The following SLMAP variants were observed in gnomAD, a reference collection of about 807,000 sequenced individuals.
SLMAP encodes sarcolemmal membrane-associated protein.
A neutral mutation model predicts 128.8 loss-of-function variants in SLMAP; 44 were observed. The observed-to-expected ratio is 0.34, with a 90% CI of 0.27 to 0.44. The LOEUF is 0.44. Among genes scored for constraint, SLMAP ranks in the 20% least tolerant of loss-of-function variants. The probability of loss-of-function intolerance (pLI) is 1.00; values close to 1 mark genes in which losing one functional copy is unlikely to be tolerated. For synonymous variants in SLMAP, 327 were observed against 348.8 expected (o/e 0.94, Z 0.70); for missense variants, 787 against 985.3 (o/e 0.80, Z 2.69).
chr3:57,772,645 A>ATT (rs534768684), intron 2 of SLMAP, among the ~76,000 whole-genome samples: 39 of 145,396 alleles, frequency 2.7e-4, no homozygotes, highest in African/African-American at 9.5e-4. Context: ...CTTTTTTTTA[A>ATT]TTTTTTTTTT....
intron 14 of SLMAP, among the ~76,000 whole-genome samples, chr3:57,879,957 A>T (rs73088391): frequency 0.024 from 3,544 of 150,400 alleles, 82 homozygotes; most frequent in South Asian, 0.052. Context: ...CTCAAAAAAA[A>T]AAAAATAAAA....
At chr3:57,912,358 A>G (rs754890254) in intron 19 of SLMAP, 23 bp from the exon 20 acceptor site, 3 of 1,594,054 alleles carry the variant, frequency 1.9e-6, no homozygotes, top group Non-Finnish European at 2.6e-6. Flanking sequence ...TGGGCCAAGA[A>G]AATGATGGAT....
chr3:57,813,793 G>C (rs2091422633), intron 2 of SLMAP, among the ~76,000 whole-genome samples: 1 of 152,158 alleles, frequency 6.6e-6, no homozygotes, highest in Admixed American at 6.5e-5. Flanking sequence ...ACTGAGACAT[G>C]ATGTATATGA....
Position 57,802,164 on chromosome 3 carries a change from A to G in SLMAP, c.199-29219A>G, listed in dbSNP as rs1024351628. ...CATTCTATACAGTTACGCAACGATC[A>G]CTGTAATTCAGCTGTAAAACAATTG... On this transcript the variant is annotated intron_variant, in intron 2 of 24. Transcript: ENST00000671191. Among the ~76,000 whole-genome samples, 12 of 152,272 alleles carry G rather than the reference A, an allele frequency of 7.9e-5. No homozygotes were observed. In the East Asian group the frequency reaches 2.1e-3, roughly 27 times the overall value.
intron 2 of SLMAP, among the ~76,000 whole-genome samples, chr3:57,819,490 C>T (rs957007384): frequency 3.3e-5 from 5 of 152,078 alleles, no homozygotes; most frequent in Admixed American, 6.5e-5. Context: ...TTTTCCCCCC[C>T]ACAAATAAGA....
intron 3 of SLMAP, among the ~76,000 whole-genome samples, chr3:57,834,649 T>TA (rs1269235936): frequency 2.0e-5 from 3 of 152,036 alleles, no homozygotes; most frequent in South Asian, 4.1e-4. Context: ...CCTCTGTTTT[T>TA]AAAAAACAGA....
chr3:57,817,996 T>C (rs1048678331), intron 2 of SLMAP, among the ~76,000 whole-genome samples: 1 of 152,222 alleles, frequency 6.6e-6, no homozygotes, highest in African/African-American at 2.4e-5. Flanking sequence ...TCCTTGCTGT[T>C]TTATAGGCGG....
chr3:57,769,444 T>C (rs1246495140), intron 2 of SLMAP, among the ~76,000 whole-genome samples: 4 of 152,036 alleles, frequency 2.6e-5, no homozygotes, highest in Admixed American at 6.6e-5. Context: ...CCGCCCGCCT[T>C]GGCCTCCCAA....
At chr3:57,851,936 A>G (rs1030554767) in intron 6 of SLMAP, among the ~76,000 whole-genome samples, 1 of 151,780 alleles carries the variant, frequency 6.6e-6, no homozygotes, top group African/African-American at 2.4e-5. Flanking sequence ...TTTGAGGTGG[A>G]GTCTTGCTCT....
chr3:57,898,494 C>T (rs1256497992), intron 17 of SLMAP: 2 of 152,002 alleles, frequency 1.3e-5, no homozygotes, highest in African/African-American at 4.8e-5. Flanking sequence ...TTATAGGGTA[C>T]ATGAGCTGTT....
chr3:57,776,718 G>A (rs1456368152), intron 2 of SLMAP, among the ~76,000 whole-genome samples: 2 of 151,650 alleles, frequency 1.3e-5, no homozygotes, highest in Admixed American at 1.3e-4. Flanking sequence ...TAGAGACAGG[G>A]TTTCACCATG....
At position 57,858,094 on chromosome 3, in the gene SLMAP, A is replaced by T; in HGVS notation, c.622A>T (p.Ile208Leu). 1 of 1,575,556 alleles carries T rather than the reference A, an allele frequency of 6.3e-7. No homozygotes were observed. The highest frequency in any genetic ancestry group is 8.7e-7 in the Non-Finnish European group (1 of 1,145,334). ...EASDTSWQAL[I>L]DEDRLLSRLE... The stretch of plus-strand genomic sequence containing the variant: ...TTTAATTTTTCTTCAATAGGCTTTA[A>T]TAGATGAAGATAGACTCTTATCACG... The change falls in exon 8 of 25, where the codon ATA becomes TTA. Residue 208 changes from isoleucine to leucine, a missense_variant. Ile to Leu is a conservative substitution (Grantham distance 5, BLOSUM62 2). Around this residue, in one of 2 missense-constraint regions of SLMAP, gnomAD observed 715 missense variants for 843.6 expected, o/e 0.85. Transcript: ENST00000671191.
intron 14 of SLMAP, among the ~76,000 whole-genome samples, chr3:57,879,940 ACT>A (rs2095690320): frequency 6.9e-6 from 1 of 144,036 alleles, no homozygotes; most frequent in African/African-American, 2.6e-5. Flanking sequence ...ACAGTGTGAG[ACT>A]CTGTCTCAAA....
In SLMAP at chr3:57,856,050, G is replaced by GA. The variant is rs530968010; in HGVS notation, c.520-1670dup. Among the ~76,000 whole-genome samples, 488 of 139,096 alleles carry GA rather than the reference G, an allele frequency of 3.5e-3. 2 individuals are homozygous for GA. Among genetic ancestry groups the GA allele is most frequent in the South Asian group, 0.01 (45 of 4,390 alleles). 91.3% of individuals were successfully genotyped at this position (139,096 alleles called of 152,430 possible). A position where few individuals can be genotyped will look rare whatever the true frequency, so the allele number is the denominator to read the frequency against. On this transcript the variant is annotated intron_variant, in intron 6 of 24. Transcript: ENST00000671191. Reference sequence around the variant, plus strand: ...AGAGAGAGACTTCGTCTCAGAAAAAGAAAAAAAAAAAAATTAACTGGGCAT... The same window carrying GA: ...AGAGAGAGACTTCGTCTCAGAAAAAGAAAAAAAAAAAAAATTAACTGGGCAT...
At chr3:57,897,106 C>G in intron 17 of SLMAP, 174 bp downstream of exon 17, 1 of 1,371,228 alleles carries the variant, frequency 7.3e-7, no homozygotes. Flanking sequence ...CCCAATATTT[C>G]AAACTATTGT....
intron 8 of SLMAP, among the ~76,000 whole-genome samples, chr3:57,859,601 T>C (rs1262733635): frequency 6.6e-6 from 1 of 152,076 alleles, no homozygotes; most frequent in Non-Finnish European, 1.5e-5. Flanking sequence ...TTTTTGTAAC[T>C]TTGGCATCAA....
chr3:57,808,741 G>A (rs2153508317), intron 2 of SLMAP, among the ~76,000 whole-genome samples: 1 of 152,300 alleles, frequency 6.6e-6, no homozygotes, highest in East Asian at 1.9e-4. Flanking sequence ...CTGTTGATTT[G>A]GGGTGGAGAG....
Position 57,834,260 on chromosome 3 carries a change from A to G in SLMAP, c.346+2730A>G, listed in dbSNP as rs888505769. On this transcript the variant is annotated intron_variant, in intron 3 of 24. Transcript: ENST00000671191. ...GAGAAATAAAAGCAGAAATTAATGA[A>G]ACAAAAAATTCTACAAGGGATAAAC... Among the ~76,000 whole-genome samples, 6 of 152,200 alleles carry G rather than the reference A, an allele frequency of 3.9e-5. No individual in the cohort carries two copies. In the South Asian group the frequency reaches 1.2e-3, roughly 31 times the overall value.
intron 2 of SLMAP, among the ~76,000 whole-genome samples, chr3:57,817,861 C>A (rs2092055258): frequency 6.6e-6 from 1 of 152,178 alleles, no homozygotes; most frequent in South Asian, 2.1e-4. Context: ...TTTTTAAAAG[C>A]TTACCTTTCC....
Sources: gnomAD v4.1 joint callset for allele counts (sites outside exome capture counted in the v4.1 genomes callset) on GRCh38, gnomAD v4.1.1 for gene constraint, gnomAD v4.1.1 regional missense constraint, MANE v1.5 for transcripts, NCBI Gene and HGNC (gene_info 2026-07-23, HGNC 2026-07-21) for gene names.